The following AGBL1 variants were observed in gnomAD, a reference collection of about 807,000 sequenced individuals.
AGBL1 encodes cytosolic carboxypeptidase 4.
In AGBL1, 130 loss-of-function variants were observed where a neutral mutation model predicts 118.9. That is an observed-to-expected ratio of 1.09 (90% CI 0.95 to 1.26). The LOEUF (loss-of-function observed/expected upper bound fraction) is 1.26, where lower values mean the gene tolerates loss of function less well. Among genes scored for constraint, AGBL1 ranks in the 50% most tolerant of loss-of-function variants. The probability of loss-of-function intolerance (pLI) is 0.00; values close to 1 mark genes in which losing one functional copy is unlikely to be tolerated. For missense variants in AGBL1, 1,584 were observed against 1,298.1 expected (o/e 1.22, Z -3.38); for synonymous variants, 555 against 478.9 (o/e 1.16, Z -2.08).
At chr15:86,865,388 C>T (rs2079611856) in intron 22 of AGBL1, among the ~76,000 whole-genome samples, 1 of 152,204 alleles carries the variant, frequency 6.6e-6, no homozygotes, top group Non-Finnish European at 1.5e-5. Flanking sequence ...GCAAATGAAA[C>T]TGTGACAACA....
intron 5 of AGBL1, among the ~76,000 whole-genome samples, chr15:86,215,161 TC>T (rs1012809302): frequency 1.2e-4 from 18 of 151,982 alleles, no homozygotes; most frequent in African/African-American, 4.4e-4. Context: ...GTTAGCAAGA[TC>T]CGTGTGTTAC....
chr15:86,731,786 TG>T (rs1365572049), intron 22 of AGBL1, among the ~76,000 whole-genome samples: 1 of 152,222 alleles, frequency 6.6e-6, no homozygotes, highest in Non-Finnish European at 1.5e-5. Flanking sequence ...AAGTAAAGCT[TG>T]CTTATGTGTA....
At chr15:86,474,956 G>A (rs2082535817) in intron 18 of AGBL1, among the ~76,000 whole-genome samples, 1 of 152,216 alleles carries the variant, frequency 6.6e-6, no homozygotes, top group Non-Finnish European at 1.5e-5. Context: ...CTAATACCCA[G>A]GCAAAAGGGT....
chr15:86,550,220 A>T (rs2142262125), intron 20 of AGBL1, among the ~76,000 whole-genome samples: 1 of 152,258 alleles, frequency 6.6e-6, no homozygotes, highest in Non-Finnish European at 1.5e-5. Flanking sequence ...GTATAGGAGG[A>T]ACAAAACATA....
At chr15:86,113,247 CTTTTCTTTTCTTTCTTTCTTTCTTTCTT>C (rs1897529189) in intron 1 of AGBL1, among the ~76,000 whole-genome samples, 1 of 56,730 alleles carries the variant, frequency 1.8e-5, no homozygotes, top group Non-Finnish European at 3.2e-5. Flanking sequence ...CTTTTCTTTT[CTTTTCTTTTCTTTCTTTCTTTCTTTCTT>C]TTTCTTTCTT....
intron 16 of AGBL1, among the ~76,000 whole-genome samples, chr15:86,294,321 C>T (rs2079596634): frequency 6.8e-6 from 1 of 146,678 alleles, no homozygotes; most frequent in African/African-American, 2.6e-5. Context: ...ATCGCTTGAA[C>T]CTGGGAGGTG....
intron 22 of AGBL1, among the ~76,000 whole-genome samples, chr15:86,837,073 A>G (rs142551186): frequency 6.6e-6 from 1 of 152,246 alleles, no homozygotes; most frequent in South Asian, 2.1e-4. Context: ...CCTTTCCCCA[A>G]ATAAAAATTG....
intron 22 of AGBL1, among the ~76,000 whole-genome samples, chr15:86,898,573 T>C (rs2080166191): frequency 6.6e-6 from 1 of 152,116 alleles, no homozygotes; most frequent in African/African-American, 2.4e-5. Flanking sequence ...CTTAACAGCT[T>C]CTGCAGAGCA....
intron 22 of AGBL1, among the ~76,000 whole-genome samples, chr15:86,681,083 G>C (rs551698015): frequency 6.6e-6 from 1 of 152,040 alleles, no homozygotes; most frequent in Non-Finnish European, 1.5e-5. Context: ...GCCACCCCAC[G>C]TCTTCATTTA....
chr15:86,811,626 C>T (rs1026569251), intron 22 of AGBL1, among the ~76,000 whole-genome samples: 1 of 152,140 alleles, frequency 6.6e-6, no homozygotes, highest in Non-Finnish European at 1.5e-5. Context: ...TATCAATCAG[C>T]AATCATGGAA....
intron 22 of AGBL1, among the ~76,000 whole-genome samples, chr15:86,835,386 T>G (rs766663514): frequency 3.2e-4 from 48 of 152,078 alleles, no homozygotes; most frequent in Admixed American, 9.8e-4. Flanking sequence ...TGGGGTGGTG[T>G]TTAACGGAGT....
chr15:86,754,998 G>T (rs2077914784), intron 22 of AGBL1, among the ~76,000 whole-genome samples: 1 of 152,072 alleles, frequency 6.6e-6, no homozygotes. Flanking sequence ...TATATGATGT[G>T]GGACTTGAGA....
At chr15:86,090,059 C>T (rs748203117) in intron 1 of AGBL1, among the ~76,000 whole-genome samples, 9 of 152,126 alleles carry the variant, frequency 5.9e-5, no homozygotes, top group Non-Finnish European at 1.2e-4. Context: ...GTATTTTTCC[C>T]GTCTTCTCTT....
rs528412729 is a variant in AGBL1, at chr15:86,547,812, GT to G, written c.2817+1682del. On this transcript the variant is annotated intron_variant, in intron 20 of 22. Coordinates refer to ENST00000614907, the MANE Select transcript of AGBL1 (RefSeq NM_001386094.1). ...ATTAGGAAGTTAAATTTTCTACATA[GT>G]TTATTACATCAAGTTTGTTGGTGCC... Among the ~76,000 whole-genome samples the G allele has an allele frequency of 2.0e-4, 30 of 152,246 alleles. No individual in the cohort carries two copies. The East Asian group carries it at 5.4e-3, about 27-fold the overall frequency.
chr15:87,029,076 G>C (rs1161686566), downstream of AGBL1: 2 of 444,698 alleles, frequency 4.5e-6, no homozygotes, highest in Non-Finnish European at 8.0e-6. Context: ...TCTGAACCTA[G>C]AACAGGACAG....
At chr15:86,475,076 G>A (rs113648321) in intron 18 of AGBL1, among the ~76,000 whole-genome samples, 2,895 of 152,224 alleles carry the variant, frequency 0.019, 94 homozygotes, top group African/African-American at 0.065. Context: ...CCATCTGTAC[G>A]TCACCATCTT....
chr15:86,191,371 G>C (rs373400210), intron 5 of AGBL1, among the ~76,000 whole-genome samples: 5 of 67,322 alleles, frequency 7.4e-5, no homozygotes, highest in African/African-American at 3.9e-4. Context: ...AAAAAAAAAA[G>C]AGAGAGAGAG....
chr15:86,881,645 A>G (rs2079892865), intron 22 of AGBL1, among the ~76,000 whole-genome samples: 2 of 152,000 alleles, frequency 1.3e-5, no homozygotes, highest in Admixed American at 1.3e-4. Context: ...CTATTTATTT[A>G]TTTATTTAAG....
At chr15:86,376,641 C>T (rs1393408246) in intron 17 of AGBL1, among the ~76,000 whole-genome samples, 1 of 152,218 alleles carries the variant, frequency 6.6e-6, no homozygotes, top group East Asian at 1.9e-4. Flanking sequence ...GCCTATGTGG[C>T]TGACCTGCAG....
Sources: gnomAD v4.1 joint callset for allele counts (sites outside exome capture counted in the v4.1 genomes callset) on GRCh38, gnomAD v4.1.1 for gene constraint, MANE v1.5 for transcripts, NCBI Gene and HGNC (gene_info 2026-07-23, HGNC 2026-07-21) for gene names.